PAX5: variants seen among roughly 807,000 people sequenced by gnomAD.
PAX5 encodes the protein paired box protein Pax-5.
A neutral mutation model predicts 43.7 loss-of-function variants in PAX5; 9 were observed. That is an observed-to-expected ratio of 0.21 (90% CI 0.12 to 0.36). The LOEUF (loss-of-function observed/expected upper bound fraction) is 0.36, where lower values mean the gene tolerates loss of function less well. Among genes scored for constraint, PAX5 ranks in the 10% least tolerant of loss-of-function variants. The pLI is 1.00. For missense variants in PAX5, 383 were observed against 532.7 expected, an observed-to-expected ratio of 0.72 and a Z score of 2.77; for synonymous variants, 228 against 214.3, an observed-to-expected ratio of 1.06 and a Z score of -0.56.
At chr9:36,863,118 T>C (rs552935224) in intron 8 of PAX5, among the ~76,000 whole-genome samples, 1 of 152,292 alleles carries the variant, frequency 6.6e-6, no homozygotes, top group East Asian at 1.9e-4. Flanking sequence ...GGGGAAACTT[T>C]AAGACAAACC....
chr9:36,901,380 C>T (rs1053416625), intron 7 of PAX5, among the ~76,000 whole-genome samples: 2 of 152,164 alleles, frequency 1.3e-5, no homozygotes, highest in African/African-American at 4.8e-5. Flanking sequence ...AGCCCTCCCA[C>T]CCAGCCTCGG....
At chr9:36,980,000 C>A (rs1428506535) in intron 5 of PAX5, among the ~76,000 whole-genome samples, 2 of 152,228 alleles carry the variant, frequency 1.3e-5, no homozygotes, top group Non-Finnish European at 2.9e-5. Flanking sequence ...ACTTTTTCCA[C>A]TTTCTCTCAA....
chr9:36,856,112 C>T (rs2131626792), intron 8 of PAX5, among the ~76,000 whole-genome samples: 1 of 152,356 alleles, frequency 6.6e-6, no homozygotes, highest in East Asian at 1.9e-4. Context: ...TGACAGGTCC[C>T]TGCAGCCCCA....
Position 36,910,397 on chromosome 9 carries a change from C to T in PAX5, c.910+12958G>A, listed in dbSNP as rs539716505. Among the ~76,000 whole-genome samples, 4 of 152,342 alleles carry T rather than the reference C, an allele frequency of 2.6e-5. No homozygotes were observed. The South Asian group carries it at 8.3e-4, about 32-fold the overall frequency. ...CCTATGAGGATATAAAGAGCTTCCTCGTTCTTTCCCACTCCATTGTGTGGA... is the reference window on the plus strand; with the variant it reads ...CCTATGAGGATATAAAGAGCTTCCTTGTTCTTTCCCACTCCATTGTGTGGA... On this transcript the variant is annotated intron_variant, in intron 7 of 9. Transcript: ENST00000358127.
At chr9:37,014,430 G>T (rs1199145890) in intron 3 of PAX5, among the ~76,000 whole-genome samples, 2 of 152,184 alleles carry the variant, frequency 1.3e-5, no homozygotes, top group African/African-American at 2.4e-5. Flanking sequence ...CAGAACCACT[G>T]GGGTTCTGGG....
chr9:36,924,574 G>T (rs1830429404), intron 6 of PAX5, among the ~76,000 whole-genome samples: 1 of 151,672 alleles, frequency 6.6e-6, no homozygotes, highest in South Asian at 2.1e-4. Flanking sequence ...ACAAAAATTA[G>T]CCAGGTGTGG....
chr9:37,033,878 T>TA, intron 1 of PAX5, 108 bp downstream of exon 1: 1 of 902,514 alleles, frequency 1.1e-6, no homozygotes, highest in South Asian at 1.4e-5. Flanking sequence ...AGACAGTCTC[T>TA]ACGAAAATGC....
intron 7 of PAX5, among the ~76,000 whole-genome samples, chr9:36,915,776 T>C (rs1435190019): frequency 6.6e-6 from 1 of 152,132 alleles, no homozygotes; most frequent in Non-Finnish European, 1.5e-5. Context: ...TCTAAAATTA[T>C]AAAAAAATTT....
chr9:36,901,903 G>A (rs948023271), intron 7 of PAX5, among the ~76,000 whole-genome samples: 3 of 152,176 alleles, frequency 2.0e-5, no homozygotes, highest in Non-Finnish European at 4.4e-5. Context: ...AGAGAGTGGT[G>A]CACATGCAAA....
At chr9:36,993,367 C>T (rs1321963110) in intron 5 of PAX5, among the ~76,000 whole-genome samples, 2 of 152,096 alleles carry the variant, frequency 1.3e-5, no homozygotes, top group African/African-American at 2.4e-5. Context: ...TCCTTGAAGT[C>T]CTTGATAATT....
At chr9:37,029,832 C>A (rs751900128) in intron 1 of PAX5, among the ~76,000 whole-genome samples, 2 of 152,220 alleles carry the variant, frequency 1.3e-5, no homozygotes, top group Non-Finnish European at 2.9e-5. Context: ...CTCCATTTCA[C>A]GGGTGCAGAA....
At chr9:36,995,716 A>G (rs146659427) in intron 5 of PAX5, among the ~76,000 whole-genome samples, 1 of 152,244 alleles carries the variant, frequency 6.6e-6, no homozygotes, top group East Asian at 1.9e-4. Flanking sequence ...TCCCATGCGA[A>G]TGACGGAGCG....
chr9:36,978,092 G>C (rs983740340), intron 5 of PAX5, among the ~76,000 whole-genome samples: 1 of 152,162 alleles, frequency 6.6e-6, no homozygotes, highest in Admixed American at 6.5e-5. Context: ...TCATGGTGTT[G>C]GTATGAAGAG....
chr9:36,897,230 C>T (rs1047424252), intron 7 of PAX5, among the ~76,000 whole-genome samples: 2 of 152,138 alleles, frequency 1.3e-5, no homozygotes, highest in Admixed American at 6.5e-5. Flanking sequence ...AGGTAGGAAC[C>T]GAGCTGGGCT....
intron 8 of PAX5, among the ~76,000 whole-genome samples, chr9:36,865,416 A>G (rs528356756): frequency 1.3e-5 from 2 of 152,362 alleles, no homozygotes; most frequent in South Asian, 4.1e-4. Context: ...CTAGGTCTTG[A>G]GAAATTCATT....
chr9:36,985,571 G>A (rs574119566), intron 5 of PAX5, among the ~76,000 whole-genome samples: 4 of 152,200 alleles, frequency 2.6e-5, no homozygotes, highest in African/African-American at 7.2e-5. Context: ...AGGTCCGAAG[G>A]GGGAGGCAGG....
rs530879453 is a variant in PAX5, at chr9:36,883,506, A to T, written c.911-1401T>A. On this transcript the variant is annotated intron_variant, in intron 7 of 9. Transcript: ENST00000358127. ...TGGTGAAACTCTGTCTTTACTAAAA[A>T]ATATATATATATAAATTAGCCAGGC... is the stretch of plus-strand genomic sequence containing the variant. 9.2e-5 allele frequency among the ~76,000 whole-genome samples: 14 copies of T among 152,006 alleles called. No homozygotes were observed. The South Asian group carries it at 2.9e-3, about 32-fold the overall frequency.
intron 6 of PAX5, 101 bp from the exon 7 acceptor site, chr9:36,923,585 C>T: frequency 2.9e-6 from 4 of 1,395,700 alleles, no homozygotes; most frequent in Non-Finnish European, 3.9e-6. Context: ...TGAGTTAGTC[C>T]ATGCCTGTGC....
In PAX5 at chr9:37,034,105, T is replaced by TTTC. The variant is rs1554689345; in HGVS notation, c.-75_-74insGAA. ...TTTTGTGCCTTTTTTTTTCTTTTTT[T>TTTC]TTTTTTTTTTTTTTTTTTTTTGGTG... On this transcript the variant is annotated 5_prime_UTR_variant, in exon 1 of 10. Transcript: ENST00000358127. 7 of 726,172 alleles carry TTTC rather than the reference T, an allele frequency of 9.6e-6. No homozygotes were observed. In the African/African-American group the frequency reaches 1.4e-4, roughly 14 times the overall value. 45.0% of individuals were successfully genotyped at this position (726,172 alleles called of 1,614,324 possible).
Sources: gnomAD v4.1 joint callset for allele counts (sites outside exome capture counted in the v4.1 genomes callset) on GRCh38, gnomAD v4.1.1 for gene constraint, MANE v1.5 for transcripts, NCBI Gene and HGNC (gene_info 2026-07-23, HGNC 2026-07-21) for gene names.